Variants in PLCE1 observed in about 807,000 individuals in gnomAD.
PLCE1 encodes the protein phospholipase C epsilon 1.
Under a neutral mutation model 242.8 loss-of-function variants are expected in PLCE1, and 119 were observed. The ratio of observed to expected loss-of-function variants is 0.49; its 90% CI spans 0.42 to 0.57. The LOEUF (loss-of-function observed/expected upper bound fraction) is 0.57. Ranked by LOEUF, PLCE1 falls within the 20% of genes least tolerant of loss-of-function variation. The pLI, the probability that PLCE1 is intolerant of heterozygous loss-of-function variation, is 0.00. For missense variants in PLCE1, 2,441 were observed against 2,788.8 expected (o/e 0.88, Z 2.81); for synonymous variants, 945 against 1,017.4 (o/e 0.93, Z 1.35).
In PLCE1 at chr10:94,030,888, CCTCT is replaced by C. The variant is rs1005286024; in HGVS notation, c.-158_-155del. The C allele has an allele frequency of 1.4e-5, 10 of 696,934 alleles. No homozygotes were observed. In the Admixed American group the frequency reaches 2.5e-4, roughly 17 times the overall value. 43.2% of individuals were successfully genotyped at this position (696,934 alleles called of 1,614,324 possible). On this transcript the variant is annotated 5_prime_UTR_variant, in exon 2 of 33. Coordinates refer to ENST00000371380, the MANE Select transcript of PLCE1 (RefSeq NM_016341.4). Reference sequence around the variant, plus strand: ...AGTTATAACTAAGAAAATTTATTTGCCTCTTAATGCTCCTGAATGAAAGGAATTA... The same window carrying C: ...AGTTATAACTAAGAAAATTTATTTGCTAATGCTCCTGAATGAAAGGAATTA...
intron 5 of PLCE1, among the ~76,000 whole-genome samples, chr10:94,233,109 G>T (rs564823457): frequency 1.3e-5 from 2 of 152,252 alleles, no homozygotes; most frequent in African/African-American, 2.4e-5. Flanking sequence ...TGTGGGCAAA[G>T]CAGTTCAGGT....
intron 2 of PLCE1, among the ~76,000 whole-genome samples, chr10:94,090,309 A>G (rs1029152499): frequency 2.6e-5 from 4 of 152,230 alleles, no homozygotes; most frequent in African/African-American, 9.6e-5. Context: ...AATGGCTCAC[A>G]TAATTCTATC....
In PLCE1 at chr10:94,270,515, C is replaced by T. The variant is rs1262164309; in HGVS notation, c.4419C>T (p.Ala1473=). Residue 1473 remains alanine (A), a synonymous_variant, in exon 18 of 33, where the codon GCC becomes GCT. Transcript: ENST00000371380. ...KEVVEAIDRS[A]FINSDLPIII... Reference sequence around the variant, plus strand: ...TGGTTGAAGCCATTGATCGCAGTGCCTTCATCAACTCTGACCTGCCAATCA... The same window carrying T: ...TGGTTGAAGCCATTGATCGCAGTGCTTTCATCAACTCTGACCTGCCAATCA... The T allele has an allele frequency of 1.2e-6, 2 of 1,613,792 alleles. No homozygotes were observed. Among genetic ancestry groups the T allele is most frequent in the Non-Finnish European group, 1.7e-6 (2 of 1,179,716 alleles).
intron 2 of PLCE1, among the ~76,000 whole-genome samples, chr10:94,127,523 A>G (rs138884468): frequency 5.8e-4 from 88 of 152,304 alleles, no homozygotes; most frequent in African/African-American, 1.9e-3. Flanking sequence ...GGTATTTTTC[A>G]AGACTGCTTG....
chr10:94,223,317 G>T (rs1214279531), intron 4 of PLCE1, among the ~76,000 whole-genome samples: 1 of 151,510 alleles, frequency 6.6e-6, no homozygotes, highest in East Asian at 1.9e-4. Flanking sequence ...TTCCTGAGAT[G>T]TTAAAAAGCC....
rs186661888 is a variant in PLCE1 at position 94,134,776 on chromosome 10, C to T, written c.1492+2317C>T. The stretch of plus-strand genomic sequence containing the variant: ...TCAATTGTATTTGCACTTCCCTGTT[C>T]GAAATAGAACCTCATAGATCAATAT... On this transcript the variant is annotated intron_variant, in intron 3 of 32. Transcript: ENST00000371380. Among the ~76,000 whole-genome samples, 7 of 152,232 alleles carry T rather than the reference C, an allele frequency of 4.6e-5. No individual in the cohort carries two copies. In the East Asian group the frequency reaches 7.7e-4, roughly 17 times the overall value.
chr10:94,177,140 C>G (rs1159856294), intron 4 of PLCE1, among the ~76,000 whole-genome samples: 2 of 152,128 alleles, frequency 1.3e-5, no homozygotes, highest in Non-Finnish European at 2.9e-5. Flanking sequence ...AAGAAAATTC[C>G]TAATACTTTT....
At chr10:94,194,753 A>G (rs1000126601) in intron 4 of PLCE1, among the ~76,000 whole-genome samples, 3 of 152,252 alleles carry the variant, frequency 2.0e-5, no homozygotes, top group African/African-American at 7.2e-5. Context: ...GAATTAAAAG[A>G]GAATTTGAGG....
intron 7 of PLCE1, among the ~76,000 whole-genome samples, chr10:94,238,060 A>G (rs1035443030): frequency 6.6e-6 from 1 of 152,188 alleles, no homozygotes; most frequent in African/African-American, 2.4e-5. Flanking sequence ...CAAACCTCAC[A>G]GCTACTCCTG....
chr10:94,233,433 C>G (rs574759355), intron 5 of PLCE1, among the ~76,000 whole-genome samples: 1 of 152,212 alleles, frequency 6.6e-6, no homozygotes, highest in African/African-American at 2.4e-5. Context: ...CCACCAATAT[C>G]TGTACAAACC....
At chr10:94,083,947 G>C (rs996488386) in intron 2 of PLCE1, among the ~76,000 whole-genome samples, 7 of 152,146 alleles carry the variant, frequency 4.6e-5, no homozygotes, top group African/African-American at 1.7e-4. Context: ...CAGTGGACAC[G>C]GTTCAAGTCC....
At chr10:94,283,763 C>T in intron 20 of PLCE1, 27 bp from the exon 21 acceptor site, 1 of 1,605,718 alleles carries the variant, frequency 6.2e-7, no homozygotes, top group Non-Finnish European at 8.5e-7. Flanking sequence ...GGTTCGTTTT[C>T]ACTGAAGTCT....
At chr10:94,308,835 C>T (rs2053289883) in intron 27 of PLCE1, 136 bp downstream of exon 27, 3 of 759,476 alleles carry the variant, frequency 4.0e-6, no homozygotes, top group African/African-American at 1.7e-5. Flanking sequence ...TAATGGCTGA[C>T]ACTTGGCACT....
At chr10:94,275,164 A>G (rs114775005) in intron 19 of PLCE1, among the ~76,000 whole-genome samples, 1,897 of 152,180 alleles carry the variant, frequency 0.012, 43 homozygotes, top group African/African-American at 0.042. Context: ...AGTCTTTTTT[A>G]TGTTGAGCCC....
At chr10:94,048,484 G>A (rs75939542) in intron 2 of PLCE1, among the ~76,000 whole-genome samples, 10,720 of 151,676 alleles carry the variant, frequency 0.071, 1,028 homozygotes, top group African/African-American at 0.21. Context: ...CCAATCAAAT[G>A]GATTAAAAAA....
intron 2 of PLCE1, among the ~76,000 whole-genome samples, chr10:94,055,390 AACCTCCACC>A (rs1464620585): frequency 1.3e-5 from 2 of 151,292 alleles, no homozygotes; most frequent in African/African-American, 4.9e-5. Flanking sequence ...CACTCACTGC[AACCTCCACC>A]CCACCCCCCG....
At chr10:94,006,756 A>T (rs2061046382) in intron 1 of PLCE1, among the ~76,000 whole-genome samples, 1 of 152,246 alleles carries the variant, frequency 6.6e-6, no homozygotes, top group African/African-American at 2.4e-5. Context: ...GTATTTCCCA[A>T]ATTGGCAAAT....
At chr10:94,263,600 G>A (rs1173478617) in intron 14 of PLCE1, among the ~76,000 whole-genome samples, 1 of 151,674 alleles carries the variant, frequency 6.6e-6, no homozygotes, top group African/African-American at 2.4e-5. Context: ...GCTGAGACAC[G>A]AGAATCGCTT....
intron 1 of PLCE1, among the ~76,000 whole-genome samples, chr10:94,005,164 C>T (rs2061008852): frequency 6.6e-6 from 1 of 152,126 alleles, no homozygotes; most frequent in South Asian, 2.1e-4. Context: ...GCTGCTGGGA[C>T]TGAGGTAGCA....
Sources: gnomAD v4.1 joint callset for allele counts (sites outside exome capture counted in the v4.1 genomes callset) on GRCh38, gnomAD v4.1.1 for gene constraint, MANE v1.5 for transcripts, NCBI Gene and HGNC (gene_info 2026-07-23, HGNC 2026-07-21) for gene names.